The following LRP1B variants were observed in gnomAD, a reference collection of about 807,000 sequenced individuals.
LRP1B encodes low-density lipoprotein receptor-related protein 1B.
LRP1B carries 217 observed loss-of-function variants against 556.6 expected under a neutral mutation model. That is an observed-to-expected ratio of 0.39 (90% confidence interval 0.35 to 0.44). The LOEUF (loss-of-function observed/expected upper bound fraction) is 0.44, where lower values mean the gene tolerates loss of function less well. LRP1B is among the 20% of genes least tolerant of loss of function. The pLI, the probability that LRP1B is intolerant of heterozygous loss-of-function variation, is 1.00. For synonymous variants in LRP1B, 2,047 were observed against 1,865.8 expected (o/e 1.10, Z -2.50); for missense variants, 5,053 against 5,620.8 (o/e 0.90, Z 3.23).
intron 23 of LRP1B, chr2:140,898,999 T>C (rs943545722): frequency 4.9e-5 from 18 of 366,364 alleles, no homozygotes; most frequent in Non-Finnish European, 9.1e-5. Context: ...CAGCATGCTT[T>C]CACAGAGCAT....
chr2:141,291,855 C>CAAAAAAAAAAAAAAA (rs143819331), intron 3 of LRP1B, among the ~76,000 whole-genome samples: 8 of 99,334 alleles, frequency 8.1e-5, no homozygotes, highest in African/African-American at 2.3e-4. Flanking sequence ...GACTCTGTCT[C>CAAAAAAAAAAAAAAA]AAAAAAAAAA....
chr2:141,046,836 C>T (rs957329742), intron 11 of LRP1B, among the ~76,000 whole-genome samples: 23 of 152,180 alleles, frequency 1.5e-4, no homozygotes, highest in African/African-American at 4.3e-4. Flanking sequence ...AATCCCAGCT[C>T]TTTGGGAAGC....
chr2:141,020,429 G>T (rs928706309), intron 11 of LRP1B, among the ~76,000 whole-genome samples: 2 of 152,042 alleles, frequency 1.3e-5, no homozygotes, highest in Non-Finnish European at 2.9e-5. Context: ...ACATACAAGT[G>T]ATAGGAGCGA....
chr2:140,833,009 C>T (rs2105079449), intron 31 of LRP1B, among the ~76,000 whole-genome samples: 1 of 152,206 alleles, frequency 6.6e-6, no homozygotes, highest in Non-Finnish European at 1.5e-5. Context: ...CATGCATTAT[C>T]ATTATATATC....
In LRP1B at chr2:140,843,344, A is replaced by C. The variant is rs183790782; in HGVS notation, c.4940-2252T>G. Among the ~76,000 whole-genome samples the C allele has an allele frequency of 2.6e-3, 397 of 151,882 alleles. 1 individual carries two copies. The highest frequency in any genetic ancestry group is 4.8e-3 in the Non-Finnish European group (328 of 67,924). ...ATAGTATCCAGCATTTCCTCCTCTA[A>C]GCAATTGATTTATTTGCTGCCAGGT... On this transcript the variant is annotated intron_variant, in intron 29 of 90. Transcript: ENST00000389484.
At chr2:141,908,108 G>A (rs1224069588) in intron 1 of LRP1B, among the ~76,000 whole-genome samples, 2 of 151,986 alleles carry the variant, frequency 1.3e-5, no homozygotes, top group East Asian at 3.9e-4. Flanking sequence ...ACACGTAAAG[G>A]GGAAAATAAA....
intron 1 of LRP1B, among the ~76,000 whole-genome samples, chr2:141,820,593 A>G (rs1696720313): frequency 6.6e-6 from 1 of 152,348 alleles, no homozygotes; most frequent in East Asian, 1.9e-4. Flanking sequence ...TTTCAATAGT[A>G]TAACATGATT....
intron 2 of LRP1B, among the ~76,000 whole-genome samples, chr2:141,684,368 C>T (rs1280778428): frequency 6.6e-6 from 1 of 152,064 alleles, no homozygotes; most frequent in Non-Finnish European, 1.5e-5. Context: ...AAACCAAACA[C>T]TGCATGTTCT....
intron 3 of LRP1B, among the ~76,000 whole-genome samples, chr2:141,295,947 T>C (rs1049207559): frequency 6.6e-6 from 1 of 152,146 alleles, no homozygotes; most frequent in African/African-American, 2.4e-5. Flanking sequence ...CTCGGTTAAT[T>C]TCCGCTTAGG....
chr2:140,702,486 T>C lies in LRP1B; in HGVS notation c.6091A>G (p.Lys2031Glu). ...IGKARLDGSEKVVLVSMGIAW... is the reference protein window; with the variant it reads ...IGKARLDGSEEVVLVSMGIAW... ...ATTCCCATGCTTACAAGGACAACCT[T>C]CTCTGAGCCATCCAAGCGAGCCTTT... Residue 2031 changes from lysine (K) to glutamate (E), a missense_variant, in exon 38 of 91, where the codon AAG (lysine) becomes GAG (glutamate). By Grantham distance (56) the Lys-to-Glu change is moderately conservative. Coordinates refer to ENST00000389484, the MANE Select transcript of LRP1B (RefSeq NM_018557.3). 6.2e-7 allele frequency: 1 copy of C among 1,613,528 alleles called. No homozygotes were observed. The highest frequency in any genetic ancestry group is 8.5e-7 in the Non-Finnish European group (1 of 1,179,676).
At chr2:140,759,643 T>G (rs1309022205) in intron 35 of LRP1B, among the ~76,000 whole-genome samples, 3 of 152,204 alleles carry the variant, frequency 2.0e-5, no homozygotes, top group East Asian at 3.9e-4. Context: ...AACTGGCAAC[T>G]GTTGCCAAGT....
chr2:140,757,104 A>G (rs1271940383), intron 35 of LRP1B, among the ~76,000 whole-genome samples: 2 of 152,360 alleles, frequency 1.3e-5, no homozygotes, highest in South Asian at 2.1e-4. Flanking sequence ...AAGTGAAACC[A>G]CAATGAGATA....
intron 43 of LRP1B, among the ~76,000 whole-genome samples, chr2:140,591,906 C>T (rs1263501948): frequency 2.0e-5 from 3 of 152,032 alleles, no homozygotes; most frequent in Admixed American, 2.0e-4. Context: ...TTCAAGAACT[C>T]ATCATCAGTT....
At chr2:140,825,569 T>A (rs1691474210) in intron 31 of LRP1B, among the ~76,000 whole-genome samples, 1 of 152,208 alleles carries the variant, frequency 6.6e-6, no homozygotes, top group East Asian at 1.9e-4. Flanking sequence ...TAAAGTCCTC[T>A]GTATCATCCA....
In LRP1B at chr2:140,314,947, G is replaced by C. The variant is rs2105036199; in HGVS notation, c.12793C>G (p.Pro4265Ala). ...ATGAAATATTTACCTAGAACTGATG[G>C]TACGCAAGTTCCTCCATTCTGGCAG... is the stretch of plus-strand genomic sequence containing the variant. ...NYCQNGGTCV[P>A]SVLGRPTCSC... The change falls in exon 83 of 91, where the codon CCA (proline) becomes GCA (alanine). Residue 4265 changes from proline (P) to alanine (A), a missense_variant. Physicochemically the swap from Pro to Ala is conservative, Grantham distance 27 (BLOSUM62 -1). This residue lies in a region of LRP1B where 551 missense variants were observed against 592.0 expected (regional missense o/e 0.93). Transcript: ENST00000389484. The C allele has an allele frequency of 4.4e-6, 7 of 1,604,122 alleles. No homozygotes were observed. Among genetic ancestry groups the C allele is most frequent in the Non-Finnish European group, 6.0e-6 (7 of 1,175,174 alleles).
chr2:142,110,752 A>G (rs772165811), intron 1 of LRP1B, among the ~76,000 whole-genome samples: 9 of 152,158 alleles, frequency 5.9e-5, no homozygotes, highest in Admixed American at 1.3e-4. Context: ...ATTATAAAGG[A>G]CATCTCCTAC....
At chr2:140,381,733 G>A (rs981000721) in intron 67 of LRP1B, among the ~76,000 whole-genome samples, 4 of 151,766 alleles carry the variant, frequency 2.6e-5, no homozygotes, top group East Asian at 2.0e-4. Flanking sequence ...ACTGTTGTGC[G>A]CACCTGTAAT....
At chr2:140,794,848 G>A (rs1690249674) in intron 32 of LRP1B, among the ~76,000 whole-genome samples, 1 of 151,874 alleles carries the variant, frequency 6.6e-6, no homozygotes, top group Admixed American at 6.6e-5. Context: ...CCCAACCTAA[G>A]GTGATCCACC....
intron 7 of LRP1B, among the ~76,000 whole-genome samples, chr2:141,147,533 A>G (rs749043761): frequency 3.3e-5 from 5 of 152,312 alleles, no homozygotes; most frequent in Admixed American, 6.5e-5. Flanking sequence ...ATAAATAAAA[A>G]AGTCTCAGGA....
Sources: gnomAD v4.1 joint callset for allele counts (sites outside exome capture counted in the v4.1 genomes callset) on GRCh38, gnomAD v4.1.1 for gene constraint, gnomAD v4.1.1 regional missense constraint, MANE v1.5 for transcripts, NCBI Gene and HGNC (gene_info 2026-07-23, HGNC 2026-07-21) for gene names.